The following SLC2A5 variants were observed in gnomAD, a reference collection of about 807,000 sequenced individuals.
SLC2A5 encodes solute carrier family 2 member 5.
A neutral mutation model predicts 50.3 loss-of-function variants in SLC2A5; 56 were observed. The observed-to-expected ratio is 1.11, with a 90% confidence interval of 0.90 to 1.39. The LOEUF is 1.39. Among genes scored for constraint, SLC2A5 ranks in the 40% most tolerant of loss-of-function variants. The pLI is 0.00. For missense variants in SLC2A5, 566 were observed against 650.1 expected (o/e 0.87, Z 1.41); for synonymous variants, 269 against 281.9 (o/e 0.95, Z 0.46).
chr1:9,070,372 TG>T (rs1184892204), upstream of SLC2A5, among the ~76,000 whole-genome samples: 2 of 152,132 alleles, frequency 1.3e-5, no homozygotes, highest in Non-Finnish European at 2.9e-5. Flanking sequence ...TGAGCCATCG[TG>T]TCCGGCCTCT....
chr1:9,039,942 G>A lies in SLC2A5; in HGVS notation c.743C>T (p.Ala248Val). Reference sequence around the variant, plus strand: ...TGCCTCATCCTCCTGCCGGATCTCGGCCACCTCCCTGTCCACAGAGTCCCA... The same window carrying A: ...TGCCTCATCCTCCTGCCGGATCTCGACCACCTCCCTGTCCACAGAGTCCCA... ...RGWDSVDREV[A>V]EIRQEDEAEK... The change falls in exon 7 of 12, where the codon GCC (alanine) becomes GTC (valine). Residue 248 changes from alanine to valine, a missense_variant. By Grantham distance (64) the Ala-to-Val change is moderately conservative. Coordinates refer to ENST00000377424, the MANE Select transcript of SLC2A5 (RefSeq NM_003039.3). 6.2e-7 allele frequency: 1 copy of A among 1,612,916 alleles called. No homozygotes were observed. Among genetic ancestry groups the A allele is most frequent in the East Asian group, 2.2e-5 (1 of 44,862 alleles).
upstream of SLC2A5, among the ~76,000 whole-genome samples, chr1:9,090,324 C>G (rs1244799566): frequency 6.6e-6 from 1 of 152,190 alleles, no homozygotes; most frequent in Non-Finnish European, 1.5e-5. Flanking sequence ...ATAATAGCTA[C>G]CCACCATTCT....
chr1:9,073,946 G>A (rs535261197), upstream of SLC2A5, among the ~76,000 whole-genome samples: 1 of 152,322 alleles, frequency 6.6e-6, no homozygotes, highest in South Asian at 2.1e-4. Flanking sequence ...CAGGCTTGGT[G>A]GCGGGAGCCC....
intron 10 of SLC2A5, 53 bp from the exon 11 acceptor site, chr1:9,038,077 C>T: frequency 6.3e-7 from 1 of 1,594,450 alleles, no homozygotes; most frequent in Non-Finnish European, 8.5e-7. Flanking sequence ...CCGAGCATCC[C>T]AGGCCTGGCC....
upstream of SLC2A5, among the ~76,000 whole-genome samples, chr1:9,091,265 G>C (rs1216304261): frequency 6.6e-6 from 1 of 152,030 alleles, no homozygotes; most frequent in African/African-American, 2.4e-5. Flanking sequence ...CCCGCTTTAG[G>C]CCTTCCAAAT....
At chr1:9,075,198 AG>A (rs1215604868) in intron 2 of SLC2A5, among the ~76,000 whole-genome samples, 1 of 152,178 alleles carries the variant, frequency 6.6e-6, no homozygotes, top group Non-Finnish European at 1.5e-5. Flanking sequence ...GATGAGTTAT[AG>A]GTCTGTCTGT....
At chr1:9,055,818 A>T (rs2124397254) in intron 3 of SLC2A5, among the ~76,000 whole-genome samples, 1 of 152,082 alleles carries the variant, frequency 6.6e-6, no homozygotes, top group East Asian at 1.9e-4. Context: ...TGGGAAGCTG[A>T]GGCAGGAGAA....
chr1:9,050,992 T>G (rs1440124126), intron 3 of SLC2A5, among the ~76,000 whole-genome samples: 5 of 152,152 alleles, frequency 3.3e-5, no homozygotes, highest in Non-Finnish European at 5.9e-5. Flanking sequence ...AAACCAACAA[T>G]TCTGGTCTGA....
chr1:9,037,860 G>C (rs780097000), intron 11 of SLC2A5, 37 bp downstream of exon 11: 1 of 1,613,840 alleles, frequency 6.2e-7, no homozygotes, highest in Admixed American at 1.7e-5. Flanking sequence ...ACTGCATGGG[G>C]ATCTGGTGGT....
chr1:9,053,074 T>TA (rs1641622403), intron 3 of SLC2A5, among the ~76,000 whole-genome samples: 2 of 110,374 alleles, frequency 1.8e-5, no homozygotes, highest in African/African-American at 8.3e-5. Flanking sequence ...ATTATATATT[T>TA]ATATATTAAT....
intron 2 of SLC2A5, among the ~76,000 whole-genome samples, chr1:9,076,496 C>A (rs1200258087): frequency 6.6e-6 from 1 of 152,180 alleles, no homozygotes; most frequent in Non-Finnish European, 1.5e-5. Flanking sequence ...GGCAGAATGT[C>A]ATGTTCTTTA....
chr1:9,048,824 T>G (rs1641500972), intron 3 of SLC2A5, among the ~76,000 whole-genome samples: 1 of 152,036 alleles, frequency 6.6e-6, no homozygotes, highest in African/African-American at 2.4e-5. Context: ...CCCAGCTAAG[T>G]GTTTGTATTT....
At chr1:9,060,152 T>A (rs868550936) in intron 1 of SLC2A5, among the ~76,000 whole-genome samples, 1 of 121,952 alleles carries the variant, frequency 8.2e-6, no homozygotes, top group African/African-American at 3.1e-5. Flanking sequence ...ACATACACAC[T>A]ACACACACTA....
intron 2 of SLC2A5, among the ~76,000 whole-genome samples, chr1:9,077,439 A>AAAC (rs1642298285): frequency 1.4e-5 from 2 of 141,320 alleles, no homozygotes; most frequent in Admixed American, 1.4e-4. Flanking sequence ...CAAAAAAACA[A>AAAC]AAAAAAAACC....
chr1:9,081,121 G>A (rs1253471545), intron 2 of SLC2A5, among the ~76,000 whole-genome samples: 1 of 151,838 alleles, frequency 6.6e-6, no homozygotes, highest in East Asian at 1.9e-4. Context: ...TTAGCTGAGG[G>A]TGGTGGCACA....
intron 2 of SLC2A5, among the ~76,000 whole-genome samples, 163 bp downstream of exon 2, chr1:9,057,989 T>C (rs185784532): frequency 2.6e-5 from 4 of 152,342 alleles, no homozygotes; most frequent in Admixed American, 2.0e-4. Flanking sequence ...CCAAGAGACC[T>C]GTGTCTGCGA....
intron 2 of SLC2A5, among the ~76,000 whole-genome samples, chr1:9,077,827 G>A (rs1306034842): frequency 1.3e-5 from 2 of 150,554 alleles, no homozygotes; most frequent in Admixed American, 6.7e-5. Context: ...GGGAGGGAGG[G>A]GCAATGGGAG....
At chr1:9,074,201 A>G (rs1418340923), upstream of SLC2A5, among the ~76,000 whole-genome samples, 5 of 152,308 alleles carry the variant, frequency 3.3e-5, no homozygotes, top group Middle Eastern at 3.4e-3. Context: ...CATTCTCTCA[A>G]TGAAAGAGCA....
chr1:9,065,667 G>A (rs1369575210), intron 1 of SLC2A5, among the ~76,000 whole-genome samples: 2 of 152,120 alleles, frequency 1.3e-5, no homozygotes, highest in Admixed American at 6.5e-5. Flanking sequence ...GTGGCCTTGG[G>A]CAACTCCCTG....
Sources: gnomAD v4.1 joint callset for allele counts (sites outside exome capture counted in the v4.1 genomes callset) on GRCh38, gnomAD v4.1.1 for gene constraint, MANE v1.5 for transcripts, NCBI Gene and HGNC (gene_info 2026-07-23, HGNC 2026-07-21) for gene names.